The following ZFP90 variants were observed in gnomAD, a reference collection of about 807,000 sequenced individuals.
ZFP90 encodes ZFP90 zinc finger protein.
Under a neutral mutation model 60.8 loss-of-function variants are expected in ZFP90, and 38 were observed. The ratio of observed to expected loss-of-function variants is 0.62; its 90% confidence interval spans 0.48 to 0.82. ZFP90 has a LOEUF of 0.82. ZFP90 is among the 40% of genes least tolerant of loss of function. The probability of loss-of-function intolerance (pLI) is 0.00; values close to 1 mark genes in which losing one functional copy is unlikely to be tolerated. For missense variants in ZFP90, 711 were observed against 759.1 expected, an observed-to-expected ratio of 0.94 and a Z score of 0.74; for synonymous variants, 287 against 264.8, an observed-to-expected ratio of 1.08 and a Z score of -0.82.
chr16:68,540,500 A>G (rs1184228701), intron 2 of ZFP90, among the ~76,000 whole-genome samples: 1 of 152,136 alleles, frequency 6.6e-6, no homozygotes, highest in Non-Finnish European at 1.5e-5. Flanking sequence ...CTTGTGGCAG[A>G]GGGGGCATTT....
At chr16:68,557,413 G>C (rs911444061) in intron 2 of ZFP90, 1 of 364,936 alleles carries the variant, frequency 2.7e-6, no homozygotes, top group Non-Finnish European at 5.6e-6. Flanking sequence ...AGTTCAATAA[G>C]GTGCAATTAT....
At chr16:68,547,721 C>A (rs1333893751) in intron 2 of ZFP90, among the ~76,000 whole-genome samples, 1 of 152,048 alleles carries the variant, frequency 6.6e-6, no homozygotes, top group Non-Finnish European at 1.5e-5. Context: ...ATTTATTTAG[C>A]CATTTCTCAG....
At chr16:68,542,954 A>C (rs1465846779) in intron 2 of ZFP90, among the ~76,000 whole-genome samples, 3 of 152,182 alleles carry the variant, frequency 2.0e-5, no homozygotes. Flanking sequence ...GTAAATAAAT[A>C]AATTGTATGG....
chr16:68,539,260 TGCAGGAGCGAGGCTCCGAGTGC>T (rs1471105788), upstream of ZFP90: 19 of 153,982 alleles, frequency 1.2e-4, no homozygotes, highest in African/African-American at 4.6e-4. Flanking sequence ...GACCCGGGGT[TGCAGGAGCGAGGCTCCGAGTGC>T]GCAGGCGCAC....
At chr16:68,557,303 C>T (rs1390348812) in intron 2 of ZFP90, 2 of 454,790 alleles carry the variant, frequency 4.4e-6, no homozygotes, top group Admixed American at 2.4e-5. Context: ...TGTGAACCAC[C>T]CGCGTGCCCT....
intron 2 of ZFP90, among the ~76,000 whole-genome samples, chr16:68,574,820 A>C (rs1042410684): frequency 3.3e-5 from 5 of 151,566 alleles, no homozygotes; most frequent in African/African-American, 1.2e-4. Flanking sequence ...GCTACTTGGC[A>C]GACTGAGCCT....
downstream of ZFP90, chr16:68,567,147 C>G (rs558937648): frequency 1.0e-6 from 1 of 985,368 alleles, no homozygotes; most frequent in Non-Finnish European, 1.2e-6. Context: ...GTCAGTTTGT[C>G]GTTTTCAATT....
chr16:68,541,510 G>A (rs1030927178), intron 2 of ZFP90, among the ~76,000 whole-genome samples: 3 of 151,082 alleles, frequency 2.0e-5, no homozygotes, highest in Non-Finnish European at 4.4e-5. Context: ...TAGTAAAGAT[G>A]GGGTTTCACC....
Position 68,549,795 on chromosome 16 carries a change from G to A in ZFP90, c.34-8203G>A, listed in dbSNP as rs181428204. On this transcript the variant is annotated intron_variant, in intron 2 of 4. Coordinates refer to ENST00000563169, the MANE Select transcript of ZFP90 (RefSeq NM_001305203.2). Reference sequence around the variant, plus strand: ...GGATGGGGAGCACGGAGGATGTGGGGAAGCTTCAGGAGGGAATGGAACAGT... The same window carrying A: ...GGATGGGGAGCACGGAGGATGTGGGAAAGCTTCAGGAGGGAATGGAACAGT... Among the ~76,000 whole-genome samples, 137 of 152,262 alleles carry A rather than the reference G, an allele frequency of 9.0e-4. 2 individuals carry two copies. In the Middle Eastern group the frequency reaches 0.044, roughly 49 times the overall value.
Position 68,564,934 on chromosome 16 carries a change from G to A in ZFP90, c.*236G>A, listed in dbSNP as rs894992501. On this transcript the variant is annotated 3_prime_UTR_variant, in exon 5 of 5. Coordinates refer to ENST00000563169, the MANE Select transcript of ZFP90 (RefSeq NM_001305203.2). ...GTATGTAGCTGGTTGGGGATGATAT[G>A]CCTGTATGTTGGACTTTGCTTTTGA... The A allele has an allele frequency of 1.6e-6, 2 of 1,268,710 alleles. No individual in the cohort carries two copies. The highest frequency in any genetic ancestry group is 2.0e-6 in the Non-Finnish European group (2 of 1,009,040). The allele number at this position is 1,268,710 out of a possible 1,614,324, so 78.6% of individuals were successfully genotyped here.
downstream of ZFP90, among the ~76,000 whole-genome samples, chr16:68,571,735 C>T (rs2091569162): frequency 6.6e-6 from 1 of 151,960 alleles, no homozygotes; most frequent in Admixed American, 6.6e-5. Flanking sequence ...CGAGACCAGC[C>T]TAAGCAACAT....
In ZFP90 at chr16:68,566,986, A is replaced by C. The variant is rs912068780; in HGVS notation, c.*2288A>C. 41 of 985,636 alleles carry C rather than the reference A, an allele frequency of 4.2e-5. No individual in the cohort carries two copies. The highest frequency in any genetic ancestry group is 4.8e-5 in the Non-Finnish European group (40 of 829,974). 61.1% of individuals were successfully genotyped at this position (985,636 alleles called of 1,614,324 possible). A position where few individuals can be genotyped will look rare whatever the true frequency, so the allele number is the denominator to read the frequency against. ...CATTGACAGGGAGGGAGCCCAGGAC[A>C]TATGTGTGGCTCATTGACCAGAAGG... On this transcript the variant is annotated 3_prime_UTR_variant, in exon 5 of 5. Transcript: ENST00000563169.
chr16:68,572,342 C>T (rs896100256), intron 2 of ZFP90, among the ~76,000 whole-genome samples: 3 of 152,150 alleles, frequency 2.0e-5, no homozygotes, highest in Non-Finnish European at 4.4e-5. Context: ...ATTTTACTGT[C>T]TGCATTAAAA....
At chr16:68,554,038 A>G (rs2091301923) in intron 2 of ZFP90, among the ~76,000 whole-genome samples, 1 of 152,020 alleles carries the variant, frequency 6.6e-6, no homozygotes, top group African/African-American at 2.4e-5. Flanking sequence ...AGTTCAGGTA[A>G]GAGATGGTGA....
chr16:68,563,256 C>G lies in ZFP90; in HGVS notation c.469C>G (p.Gln157Glu). Residue 157 changes from glutamine (Q) to glutamate (E), a missense_variant, in exon 5 of 5, where the codon CAA (glutamine) becomes GAA (glutamate). Around this residue, in one of 5 missense-constraint regions of ZFP90, gnomAD observed 241 missense variants for 247.6 expected, o/e 0.97. Transcript: ENST00000563169. The part of the protein sequence containing the change: ...KIITPQENFE[Q>E]NKFGENSRLN... ...AATTACACCACAAGAAAATTTTGAGCAAAATAAATTTGGTGAAAATTCTAG... is the reference window on the plus strand; with the variant it reads ...AATTACACCACAAGAAAATTTTGAGGAAAATAAATTTGGTGAAAATTCTAG... 1 of 1,613,538 alleles carries G rather than the reference C, an allele frequency of 6.2e-7. No homozygotes were observed. The highest frequency in any genetic ancestry group is 8.5e-7 in the Non-Finnish European group (1 of 1,179,812).
rs549568638 is a variant in ZFP90, at chr16:68,566,175, C to T, written c.*1477C>T. 8.1e-6 allele frequency: 8 copies of T among 985,532 alleles called. No homozygotes were observed. The South Asian group carries it at 3.8e-4, about 46-fold the overall frequency. The allele number at this position is 985,532 out of a possible 1,614,324, so 61.0% of individuals were successfully genotyped here. A position where few individuals can be genotyped will look rare whatever the true frequency, so the allele number is the denominator to read the frequency against. ...GTATAATGCTTTTCTATTAGTAAAG[C>T]ATCAGCTAAGCTTCAGTGGCCTGCT... On this transcript the variant is annotated 3_prime_UTR_variant, in exon 5 of 5. Coordinates refer to ENST00000563169, the MANE Select transcript of ZFP90 (RefSeq NM_001305203.2).
At chr16:68,538,229 A>G (rs1009486603), upstream of ZFP90, among the ~76,000 whole-genome samples, 4 of 152,062 alleles carry the variant, frequency 2.6e-5, no homozygotes, top group Admixed American at 6.6e-5. Context: ...TTTATTTTTG[A>G]ATGTTCATAT....
At chr16:68,557,859 T>A in intron 2 of ZFP90, 139 bp from the exon 3 acceptor site, 1 of 1,189,374 alleles carries the variant, frequency 8.4e-7, no homozygotes. Context: ...AAACAATAAG[T>A]TTATGTAACC....
At position 68,558,142 on chromosome 16, in the gene ZFP90, G is replaced by T; in HGVS notation, c.160+18G>T. On this transcript the variant is annotated intron_variant, in intron 3 of 4. Coordinates refer to ENST00000563169, the MANE Select transcript of ZFP90 (RefSeq NM_001305203.2). Reference sequence around the variant, plus strand: ...TTCTCTTGGTAAGGACCACTTCTCTGAGTGTCTTTCCTGCTGATGGGCCTT... The same window carrying T: ...TTCTCTTGGTAAGGACCACTTCTCTTAGTGTCTTTCCTGCTGATGGGCCTT... The T allele has an allele frequency of 6.2e-7, 1 of 1,611,856 alleles. No homozygotes were observed. The highest frequency in any genetic ancestry group is 1.1e-5 in the South Asian group (1 of 90,882).
Sources: allele counts gnomAD v4.1 joint callset (sites outside exome capture counted in the v4.1 genomes callset), GRCh38; gene constraint gnomAD v4.1.1; regional missense constraint gnomAD v4.1.1; transcripts MANE v1.5; gene names NCBI Gene and HGNC (gene_info 2026-07-23, HGNC 2026-07-21).